Variants in TNPO3 observed in about 807,000 individuals in gnomAD.
The protein encoded by TNPO3 is transportin-3.
Under a neutral mutation model 122.8 loss-of-function variants are expected in TNPO3, and 65 were observed. The observed-to-expected ratio is 0.53, with a 90% CI of 0.43 to 0.65. The LOEUF is 0.65. Ranked by LOEUF, TNPO3 falls within the 30% of genes least tolerant of loss-of-function variation. TNPO3 has a pLI of 0.00. For missense variants in TNPO3, 850 were observed against 1,136.7 expected (o/e 0.75, Z 3.63); for synonymous variants, 372 against 411.2 (o/e 0.90, Z 1.15).
intron 10 of TNPO3, 138 bp downstream of exon 10, chr7:128,991,854 TAGAAGTC>T: frequency 2.3e-6 from 1 of 441,396 alleles, no homozygotes; most frequent in Non-Finnish European, 4.0e-6. Context: ...GACTAGACTC[TAGAAGTC>T]AGAAGACTAG....
intron 4 of TNPO3, among the ~76,000 whole-genome samples, chr7:129,011,314 T>C (rs989785496): frequency 1.3e-5 from 2 of 152,166 alleles, no homozygotes; most frequent in African/African-American, 2.4e-5. Flanking sequence ...TAGTTACAGA[T>C]TGGATATTCT....
At chr7:128,984,048 T>G (rs1799901821) in intron 13 of TNPO3, 120 bp downstream of exon 13, 1 of 536,874 alleles carries the variant, frequency 1.9e-6, no homozygotes, top group Admixed American at 3.6e-5. Flanking sequence ...AATAAATTCT[T>G]AGTGCATTTT....
At chr7:128,981,746 G>A (rs188428330) in intron 14 of TNPO3, among the ~76,000 whole-genome samples, 1 of 89,558 alleles carries the variant, frequency 1.1e-5, no homozygotes, top group East Asian at 3.7e-4. Context: ...TTTTTTTTTT[G>A]AGATGGGGTT....
At chr7:128,972,299 C>T (rs1406696774) in intron 19 of TNPO3, 127 bp downstream of exon 19, 1 of 1,096,972 alleles carries the variant, frequency 9.1e-7, no homozygotes, top group Non-Finnish European at 1.3e-6. Flanking sequence ...GAATGATCCA[C>T]TATGATATAT....
At chr7:129,032,425 A>T (rs1806055487) in intron 1 of TNPO3, among the ~76,000 whole-genome samples, 1 of 152,216 alleles carries the variant, frequency 6.6e-6, no homozygotes, top group Non-Finnish European at 1.5e-5. Flanking sequence ...CTGGTCACAT[A>T]TAATGTAAGA....
rs745894134 is a variant in TNPO3, at chr7:128,990,088, T to C, written c.1371A>G (p.Pro457=). 93 of 1,614,082 alleles carry C rather than the reference T, an allele frequency of 5.8e-5. No homozygotes were observed. The highest frequency in any genetic ancestry group is 7.7e-5 in the Non-Finnish European group (91 of 1,180,038). Residue 457 remains proline (P), a synonymous_variant, in exon 11 of 23, where the codon CCA becomes CCG. Transcript: ENST00000265388. The part of the protein sequence containing the change: ...IAKSVDPENN[P]TLVEVLEGVV... ...CTCCTTCTAGGACTTCCACAAGTGTTGGATTGTTTTCCCTGAGTACAGGCG... is the reference window on the plus strand; with the variant it reads ...CTCCTTCTAGGACTTCCACAAGTGTCGGATTGTTTTCCCTGAGTACAGGCG...
At chr7:129,055,818 G>A (rs780815631), upstream of TNPO3, 12 of 512,958 alleles carry the variant, frequency 2.3e-5, no homozygotes, top group African/African-American at 3.8e-5. Context: ...AGAAATTAGG[G>A]ACAAAAGGTA....
chr7:128,978,343 A>G (rs1799283474), intron 16 of TNPO3, among the ~76,000 whole-genome samples: 1 of 152,234 alleles, frequency 6.6e-6, no homozygotes, highest in South Asian at 2.1e-4. Context: ...GCCAAGATTG[A>G]AGAAAATCCC....
At position 128,957,245 on chromosome 7, in the gene TNPO3, G is replaced by GGA. The variant is rs761344005; in HGVS notation, c.*8_*9dup. Reference sequence around the variant, plus strand: ...TCACCTGGGTGACAGGCACAGTGCAGGAGTGTGAGCTATCGAAACAACCTG... The same window carrying GGA: ...TCACCTGGGTGACAGGCACAGTGCAGGAGAGTGTGAGCTATCGAAACAACCTG... On this transcript the variant is annotated 3_prime_UTR_variant, in exon 22 of 23. Coordinates refer to ENST00000265388, the MANE Select transcript of TNPO3 (RefSeq NM_012470.4). 3 of 1,614,042 alleles carry GGA rather than the reference G, an allele frequency of 1.9e-6. No individual in the cohort carries two copies. In the South Asian group the frequency reaches 3.3e-5, roughly 18 times the overall value.
chr7:128,978,176 G>A (rs1018897656), intron 16 of TNPO3, among the ~76,000 whole-genome samples: 2 of 152,352 alleles, frequency 1.3e-5, no homozygotes, highest in Non-Finnish European at 1.5e-5. Context: ...ATTACTTAGT[G>A]ACTTAAGCAT....
chr7:128,970,086 A>T (rs1798306869), intron 20 of TNPO3, 62 bp downstream of exon 20: 3 of 1,604,322 alleles, frequency 1.9e-6, no homozygotes, highest in Non-Finnish European at 8.5e-7. Context: ...GTTGGCCTTA[A>T]GGAACCAAAG....
rs112360304 is a variant in TNPO3, at chr7:129,034,539, A to G, written c.121-16382T>C. Among the ~76,000 whole-genome samples, 832 of 152,130 alleles carry G rather than the reference A, an allele frequency of 5.5e-3. 13 individuals carry two copies. The highest frequency in any genetic ancestry group is 0.019 in the African/African-American group (797 of 41,496). On this transcript the variant is annotated intron_variant, in intron 1 of 22. Coordinates refer to ENST00000265388, the MANE Select transcript of TNPO3 (RefSeq NM_012470.4). Reference sequence around the variant, plus strand: ...AAACAAAACAAAAAAAGGTTGAAACACAGCTTAGAATCTGCTCAATTACTT... The same window carrying G: ...AAACAAAACAAAAAAAGGTTGAAACGCAGCTTAGAATCTGCTCAATTACTT...
At chr7:128,991,938 G>T in intron 10 of TNPO3, 61 bp downstream of exon 10, 1 of 1,188,748 alleles carries the variant, frequency 8.4e-7, no homozygotes. Flanking sequence ...AAAAAAAATA[G>T]TGTCATTTTC....
rs187774937 is a variant in TNPO3 at position 129,017,027 on chromosome 7, T to C, written c.351A>G (p.Leu117=). 6.2e-7 allele frequency: 1 copy of C among 1,612,854 alleles called. No individual in the cohort carries two copies. The highest frequency in any genetic ancestry group is 8.5e-7 in the Non-Finnish European group (1 of 1,179,956). The part of the protein sequence containing the change: ...QLALAIADLA[L]QMPSWKGCVQ... ...CACATCCCTTCCAGGAAGGCATCTG[T>C]AGGGCAAGATCTGCTATTGCTAAAG... Residue 117 remains leucine (L), a synonymous_variant, in exon 3 of 23, where the codon CTA becomes CTG. Coordinates refer to ENST00000265388, the MANE Select transcript of TNPO3 (RefSeq NM_012470.4).
At chr7:128,963,379 A>G (rs1797649682) in intron 21 of TNPO3, among the ~76,000 whole-genome samples, 1 of 152,246 alleles carries the variant, frequency 6.6e-6, no homozygotes, top group African/African-American at 2.4e-5. Flanking sequence ...GAATGGAATA[A>G]TGCAAAACAG....
chr7:128,979,203 C>A (rs1799387104), intron 15 of TNPO3, 80 bp from the exon 16 acceptor site: 2 of 1,542,704 alleles, frequency 1.3e-6, no homozygotes, highest in Non-Finnish European at 1.8e-6. Context: ...GGTAACACCT[C>A]ATTTAGCTTT....
rs765185682 is a variant in TNPO3 at position 128,997,506 on chromosome 7, G to A, written c.1041C>T (p.Tyr347=). The A allele has an allele frequency of 2.5e-6, 4 of 1,613,670 alleles. No homozygotes were observed. In the East Asian group the frequency reaches 8.9e-5, roughly 36 times the overall value. Residue 347 remains tyrosine, a synonymous_variant, in exon 8 of 23, where the codon TAC becomes TAT. Transcript: ENST00000265388. ...TTTTGTACAAATGTTCCCCCAGTCG[G>A]TACCAAAAGTTAAATGAAATTTCTA... The part of the protein sequence containing the change: ...EVVEISFNFW[Y]RLGEHLYKTN...
At chr7:129,012,063 T>G (rs1470738951) in intron 4 of TNPO3, among the ~76,000 whole-genome samples, 1 of 148,880 alleles carries the variant, frequency 6.7e-6, no homozygotes, top group Non-Finnish European at 1.5e-5. Context: ...TGGAGTGCAG[T>G]GGTGCAATCT....
At chr7:129,030,653 T>C (rs1225708427) in intron 1 of TNPO3, 1 of 152,128 alleles carries the variant, frequency 6.6e-6, no homozygotes, top group Non-Finnish European at 1.5e-5. Flanking sequence ...TTATTTGTGT[T>C]ACTATGGAAA....
Sources: allele counts gnomAD v4.1 joint callset (sites outside exome capture counted in the v4.1 genomes callset), GRCh38; gene constraint gnomAD v4.1.1; transcripts MANE v1.5; gene names NCBI Gene and HGNC (gene_info 2026-07-23, HGNC 2026-07-21).